The following GPR89B variants were observed in gnomAD, a reference collection of about 807,000 sequenced individuals.
GPR89B encodes G protein-coupled receptor 89B.
In GPR89B, 25 loss-of-function variants were observed where a neutral mutation model predicts 52.4. That is an observed-to-expected ratio of 0.48 (90% CI 0.35 to 0.67). The LOEUF (loss-of-function observed/expected upper bound fraction) is 0.67. GPR89B is among the 30% of genes least tolerant of loss of function. The pLI, the probability that GPR89B is intolerant of heterozygous loss-of-function variation, is 0.01. For missense variants in GPR89B, 146 were observed against 450.2 expected (o/e 0.32, Z 6.11); for synonymous variants, 52 against 151.2 (o/e 0.34, Z 4.81).
At chr1:148,000,291 C>T in the GPR89B span, among the ~76,000 whole-genome samples, 1 of 150,564 alleles carries the variant, frequency 6.6e-6, no homozygotes, top group Admixed American at 6.6e-5. Context: ...AGCACATAAA[C>T]GGTTAGGAAC....
chr1:147,930,776 C>T (rs1483745783), intron 1 of GPR89B, among the ~76,000 whole-genome samples: 3 of 152,028 alleles, frequency 2.0e-5, no homozygotes, highest in Admixed American at 6.6e-5. Context: ...GACCCTGGCT[C>T]TTCTCTCTTC....
chr1:147,974,953 G>T (rs1320434776), intron 10 of GPR89B, among the ~76,000 whole-genome samples: 19 of 151,670 alleles, frequency 1.3e-4, no homozygotes, highest in African/African-American at 4.6e-4. Flanking sequence ...CATTGGTTCT[G>T]TTTATGTGAT....
chr1:147,992,551 T>C lies in GPR89B; in HGVS notation c.1145T>C (p.Leu382Pro). 6.2e-7 allele frequency: 1 copy of C among 1,611,698 alleles called. No homozygotes were observed. Among genetic ancestry groups the C allele is most frequent in the African/African-American group, 1.3e-5 (1 of 74,958 alleles). The change falls in exon 13 of 14, where the codon CTA (leucine) becomes CCA (proline). Residue 382 changes from leucine to proline, a missense_variant. Leu to Pro is a moderately conservative substitution (Grantham distance 98). Coordinates refer to ENST00000314163, the MANE Select transcript of GPR89B (RefSeq NM_016334.5). The stretch of plus-strand genomic sequence containing the variant: ...AAGTCCTCCAATGTCATTGTCCTGC[T>C]ATTAGCACAGATAATGGTAAGTTTA... ...SSKSSNVIVL[L>P]LAQIMGMYFV... is the part of the protein sequence containing the mutation.
intron 7 of GPR89B, among the ~76,000 whole-genome samples, chr1:147,957,060 A>AGTCTATTTTCCTTAATTTTTTAC (rs1656170349): frequency 6.6e-6 from 1 of 151,638 alleles, no homozygotes; most frequent in Non-Finnish European, 1.5e-5. Flanking sequence ...AATTTTTTTA[A>AGTCTATTTTCCTTAATTTTTTAC]GTCTATTTTC....
At chr1:147,945,398 A>T (rs1654883091) in intron 5 of GPR89B, among the ~76,000 whole-genome samples, 1 of 151,812 alleles carries the variant, frequency 6.6e-6, no homozygotes, top group South Asian at 2.1e-4. Context: ...CTATTATAGA[A>T]TCTGCCATAC....
intron 10 of GPR89B, among the ~76,000 whole-genome samples, chr1:147,979,239 G>T (rs1224767939): frequency 6.6e-6 from 1 of 151,856 alleles, no homozygotes; most frequent in East Asian, 1.9e-4. Flanking sequence ...ACATTCACTC[G>T]CTGTTTTCAT....
chr1:147,994,341 G>A (rs1241371418), downstream of GPR89B: 1 of 1,524,544 alleles, frequency 6.6e-7, no homozygotes, highest in African/African-American at 1.4e-5. Flanking sequence ...AGAATGTGAG[G>A]CTGTACTGTG....
chr1:147,972,731 G>A (rs1296420136), intron 10 of GPR89B, among the ~76,000 whole-genome samples: 2 of 150,444 alleles, frequency 1.3e-5, no homozygotes, highest in Non-Finnish European at 2.9e-5. Flanking sequence ...TATGTGCCAT[G>A]GTGATTTGCT....
chr1:148,019,705 G>A, the GPR89B span, among the ~76,000 whole-genome samples: 10 of 152,148 alleles, frequency 6.6e-5, no homozygotes, highest in South Asian at 1.7e-3. Context: ...ATGAATATCC[G>A]ACAAAAGTAA....
At chr1:147,930,632 T>C (rs1553246885) in intron 1 of GPR89B, among the ~76,000 whole-genome samples, 1 of 152,096 alleles carries the variant, frequency 6.6e-6, no homozygotes, top group African/African-American at 2.4e-5. Context: ...GCTCATTTTT[T>C]CTGTTTTGTA....
chr1:148,014,054 G>A, the GPR89B span, among the ~76,000 whole-genome samples: 19 of 151,214 alleles, frequency 1.3e-4, no homozygotes, highest in Admixed American at 2.6e-4. Flanking sequence ...GGAAAGCGAC[G>A]TCTCCCATGC....
At chr1:147,964,578 A>G (rs1656895813) in intron 7 of GPR89B, among the ~76,000 whole-genome samples, 4 of 151,948 alleles carry the variant, frequency 2.6e-5, no homozygotes, top group Admixed American at 6.6e-5. Flanking sequence ...GGAAGGTTTA[A>G]TATTGTTACC....
intron 10 of GPR89B, among the ~76,000 whole-genome samples, chr1:147,978,842 C>A (rs1479882639): frequency 6.6e-6 from 1 of 150,814 alleles, no homozygotes; most frequent in Non-Finnish European, 1.5e-5. Context: ...GGGAAAAGGG[C>A]AGACTGGACC....
intron 8 of GPR89B, 34 bp from the exon 9 acceptor site, chr1:147,968,841 T>A: frequency 1.2e-6 from 2 of 1,613,440 alleles, no homozygotes; most frequent in Non-Finnish European, 1.7e-6. Context: ...GAAATTCCTA[T>A]GTGATTAAAA....
the GPR89B span, among the ~76,000 whole-genome samples, chr1:148,007,344 G>A: frequency 6.6e-6 from 1 of 152,092 alleles, no homozygotes; most frequent in Non-Finnish European, 1.5e-5. Flanking sequence ...CAAAGTGCTG[G>A]GATTACAGGC....
intron 7 of GPR89B, among the ~76,000 whole-genome samples, chr1:147,965,934 C>T (rs1657000558): frequency 6.6e-6 from 1 of 151,822 alleles, no homozygotes; most frequent in Non-Finnish European, 1.5e-5. Context: ...GCAACCTCTG[C>T]CTCCTAGGTT....
chr1:147,945,149 T>C (rs1252226463), intron 5 of GPR89B, among the ~76,000 whole-genome samples: 6 of 138,322 alleles, frequency 4.3e-5, no homozygotes, highest in Non-Finnish European at 1.5e-5. Flanking sequence ...ACTCAGGGTC[T>C]ATGACATCAG....
At position 147,977,639 on chromosome 1, in the gene GPR89B, G is replaced by A. The variant is rs1370932446; in HGVS notation, c.909+7680G>A. 2.7e-5 allele frequency among the ~76,000 whole-genome samples: 4 copies of A among 150,258 alleles called. No homozygotes were observed. The East Asian group carries it at 5.8e-4, about 22-fold the overall frequency. On this transcript the variant is annotated intron_variant, in intron 10 of 13. Transcript: ENST00000314163. ...AGGTACCTGAATCAGCCGTAGGTTC[G>A]GTATTTTTATGTAATCCCATAGTTC...
downstream of GPR89B, among the ~76,000 whole-genome samples, chr1:147,997,175 G>T (rs1340910058): frequency 1.3e-5 from 2 of 152,134 alleles, no homozygotes; most frequent in East Asian, 3.9e-4. Context: ...TCGGTAAGAT[G>T]GTCTTCAGAG....
Sources: gnomAD v4.1 joint callset for allele counts (sites outside exome capture counted in the v4.1 genomes callset) on GRCh38, gnomAD v4.1.1 for gene constraint, MANE v1.5 for transcripts, NCBI Gene and HGNC (gene_info 2026-07-23, HGNC 2026-07-21) for gene names.